LAMA2: variants seen among roughly 807,000 people sequenced by gnomAD.
LAMA2 encodes laminin subunit alpha 2, also known as laminin subunit alpha-2.
In LAMA2, 269 loss-of-function variants were observed where a neutral mutation model predicts 364.8. The observed-to-expected ratio is 0.74, with a 90% CI of 0.67 to 0.82. The LOEUF (loss-of-function observed/expected upper bound fraction) is 0.82. Ranked by LOEUF, LAMA2 falls within the 40% of genes least tolerant of loss-of-function variation. The pLI is 0.00. For missense variants in LAMA2, 3,807 were observed against 3,873.2 expected (o/e 0.98, Z 0.45); for synonymous variants, 1,379 against 1,370.6 (o/e 1.01, Z -0.14).
intron 1 of LAMA2, among the ~76,000 whole-genome samples, chr6:128,986,028 G>GA (rs375336123): frequency 0.012 from 1,774 of 152,120 alleles, 36 homozygotes; most frequent in African/African-American, 0.041. Context: ...CCAGTTTTTA[G>GA]AAAAAATGAG....
In LAMA2 at chr6:129,149,012, G is replaced by T; in HGVS notation, c.943G>T (p.Gly315Cys). ...CTGTGAGTGTGAGCATAACACATGT[G>T]GCGATAGCTGTGATCAGTGCTGTCC... ...SRCECEHNTC[G>C]DSCDQCCPGF... The change falls in exon 7 of 65, where the codon GGC becomes TGC. Residue 315 changes from glycine (G) to cysteine (C), a missense_variant. Coordinates refer to ENST00000421865, the MANE Select transcript of LAMA2 (RefSeq NM_000426.4). The T allele has an allele frequency of 6.2e-7, 1 of 1,613,478 alleles. No individual in the cohort carries two copies. The highest frequency in any genetic ancestry group is 8.5e-7 in the Non-Finnish European group (1 of 1,179,496).
At chr6:128,911,492 C>A (rs903589250) in intron 1 of LAMA2, among the ~76,000 whole-genome samples, 1 of 152,150 alleles carries the variant, frequency 6.6e-6, no homozygotes, top group Non-Finnish European at 1.5e-5. Flanking sequence ...CACCCTGCTT[C>A]GGCTCACGCA....
chr6:129,130,947 C>G (rs932502600), intron 4 of LAMA2, among the ~76,000 whole-genome samples: 3 of 152,190 alleles, frequency 2.0e-5, no homozygotes, highest in Non-Finnish European at 4.4e-5. Context: ...CAAAACAACT[C>G]TTAAGCCCAA....
chr6:128,969,066 A>T (rs2114612585), intron 1 of LAMA2, among the ~76,000 whole-genome samples: 1 of 152,248 alleles, frequency 6.6e-6, no homozygotes, highest in Middle Eastern at 3.4e-3. Context: ...CTTCCTCCTC[A>T]GTTACTCTTA....
chr6:129,480,048 T>C (rs1265904735), intron 54 of LAMA2, among the ~76,000 whole-genome samples: 1 of 152,190 alleles, frequency 6.6e-6, no homozygotes, highest in Non-Finnish European at 1.5e-5. Flanking sequence ...GTGGAAATTA[T>C]GATTCCCTAA....
At chr6:129,299,698 A>G (rs1032222929) in intron 21 of LAMA2, among the ~76,000 whole-genome samples, 3 of 152,196 alleles carry the variant, frequency 2.0e-5, no homozygotes, top group African/African-American at 7.2e-5. Flanking sequence ...TAATAACCAA[A>G]ACAGCAATGA....
intron 1 of LAMA2, among the ~76,000 whole-genome samples, chr6:129,038,195 T>G (rs575649606): frequency 2.3e-4 from 35 of 152,298 alleles, no homozygotes; most frequent in African/African-American, 7.0e-4. Context: ...AACCATTGAG[T>G]CTTTGTATAA....
intron 34 of LAMA2, among the ~76,000 whole-genome samples, chr6:129,375,412 GTATT>G (rs1778315785): frequency 1.3e-5 from 2 of 152,192 alleles, no homozygotes; most frequent in Admixed American, 1.3e-4. Context: ...AGACAAGTCT[GTATT>G]TATTTCTCAC....
chr6:129,080,019 A>G (rs1344966430), intron 3 of LAMA2, among the ~76,000 whole-genome samples: 2 of 152,146 alleles, frequency 1.3e-5, no homozygotes, highest in Non-Finnish European at 2.9e-5. Flanking sequence ...TTTATAATTT[A>G]AATGTAACAT....
At chr6:128,974,733 A>G (rs1034763485) in intron 1 of LAMA2, among the ~76,000 whole-genome samples, 2 of 151,922 alleles carry the variant, frequency 1.3e-5, no homozygotes, top group African/African-American at 4.8e-5. Context: ...TCATTCATTT[A>G]TTCCTTCATA....
chr6:129,475,749 A>G (rs980319217), intron 53 of LAMA2, among the ~76,000 whole-genome samples: 7 of 152,042 alleles, frequency 4.6e-5, no homozygotes, highest in Non-Finnish European at 1.0e-4. Flanking sequence ...TAGTTCTGGG[A>G]AACACGGTAA....
At chr6:129,127,580 G>A (rs1342881084) in intron 4 of LAMA2, among the ~76,000 whole-genome samples, 1 of 152,132 alleles carries the variant, frequency 6.6e-6, no homozygotes, top group East Asian at 1.9e-4. Context: ...ACTTTTAGTT[G>A]TTTTGGAAAA....
chr6:129,340,691 G>T (rs1776209386), intron 29 of LAMA2, among the ~76,000 whole-genome samples: 1 of 151,840 alleles, frequency 6.6e-6, no homozygotes, highest in Non-Finnish European at 1.5e-5. Flanking sequence ...CAAAAAATTA[G>T]CCTGGCGTGG....
chr6:129,365,198 A>T (rs1777691100), intron 32 of LAMA2, among the ~76,000 whole-genome samples: 1 of 152,180 alleles, frequency 6.6e-6, no homozygotes, highest in African/African-American at 2.4e-5. Flanking sequence ...ATTTATCTAT[A>T]AGACTGAAAG....
chr6:129,340,010 AAAAG>A (rs1369143822), intron 29 of LAMA2, among the ~76,000 whole-genome samples: 17 of 151,954 alleles, frequency 1.1e-4, no homozygotes, highest in Admixed American at 2.6e-4. Context: ...AAAAAAAAAA[AAAAG>A]AAAGAAAGAA....
chr6:128,904,267 G>T (rs1490903803), intron 1 of LAMA2, among the ~76,000 whole-genome samples: 2 of 152,016 alleles, frequency 1.3e-5, no homozygotes, highest in Non-Finnish European at 2.9e-5. Context: ...TGGTTTGAGG[G>T]TGTCCTGTTC....
At chr6:129,489,893 T>A (rs1784774814) in intron 56 of LAMA2, among the ~76,000 whole-genome samples, 1 of 150,822 alleles carries the variant, frequency 6.6e-6, no homozygotes, top group African/African-American at 2.4e-5. Context: ...AGTAATCAAG[T>A]AATTATGAAA....
chr6:129,031,418 A>G (rs1184788441), intron 1 of LAMA2, among the ~76,000 whole-genome samples: 11 of 152,324 alleles, frequency 7.2e-5, no homozygotes, highest in Non-Finnish European at 1.5e-5. Context: ...TAGACTGGAT[A>G]TTGCAAAATG....
intron 3 of LAMA2, among the ~76,000 whole-genome samples, chr6:129,073,982 G>A (rs1486462895): frequency 6.6e-6 from 1 of 152,174 alleles, no homozygotes; most frequent in Non-Finnish European, 1.5e-5. Context: ...ATTCTGTCAA[G>A]AGTTAGTGTA....
Sources: gnomAD v4.1 joint callset for allele counts (sites outside exome capture counted in the v4.1 genomes callset) on GRCh38, gnomAD v4.1.1 for gene constraint, MANE v1.5 for transcripts, NCBI Gene and HGNC (gene_info 2026-07-23, HGNC 2026-07-21) for gene names.